SYT14: variants seen among roughly 807,000 people sequenced by gnomAD.
The protein encoded by SYT14 is synaptotagmin 14.
A neutral mutation model predicts 74.2 loss-of-function variants in SYT14; 32 were observed. The ratio of observed to expected loss-of-function variants is 0.43; its 90% CI spans 0.33 to 0.58. The LOEUF (loss-of-function observed/expected upper bound fraction) is 0.58, where lower values mean the gene tolerates loss of function less well. Among genes scored for constraint, SYT14 ranks in the 20% least tolerant of loss-of-function variants. The probability of loss-of-function intolerance (pLI) is 0.05; values close to 1 mark genes in which losing one functional copy is unlikely to be tolerated. For missense variants in SYT14, 791 were observed against 981.8 expected (o/e 0.81, Z 2.60); for synonymous variants, 298 against 337.7 (o/e 0.88, Z 1.29).
chr1:209,965,437 C>T lies in SYT14; in HGVS notation c.-486+12681C>T, dbSNP rs552397301. 1.1e-4 allele frequency among the ~76,000 whole-genome samples: 17 copies of T among 152,288 alleles called. No homozygotes were observed. In the South Asian group the frequency reaches 1.9e-3, roughly 17 times the overall value. On this transcript the variant is annotated intron_variant, in intron 2 of 9. Transcript: ENST00000637265. ...AGTATTCCATGATATATATGTACCA[C>T]GTTTTCTTTATCCAGTCAATTGTTG...
exon 10 of SYT14, chr1:210,169,987 A>AT (rs1018079271): frequency 5.2e-4 from 68 of 130,224 alleles, no homozygotes; most frequent in African/African-American, 1.9e-3. Context: ...TAGTTCTTTC[A>AT]TTTTTTCAGG....
chr1:210,014,322 C>T (rs763403516), intron 3 of SYT14, among the ~76,000 whole-genome samples: 4 of 151,768 alleles, frequency 2.6e-5, no homozygotes, highest in Non-Finnish European at 5.9e-5. Flanking sequence ...TCCACTCCCT[C>T]CCTTGGCACC....
chr1:209,953,605 G>A (rs577263815), intron 2 of SYT14, among the ~76,000 whole-genome samples: 1 of 152,242 alleles, frequency 6.6e-6, no homozygotes, highest in South Asian at 2.1e-4. Flanking sequence ...GAGAGGCATG[G>A]CAGGAAAATA....
chr1:209,949,776 T>C (rs1481798779), intron 1 of SYT14, among the ~76,000 whole-genome samples: 2 of 152,188 alleles, frequency 1.3e-5, no homozygotes, highest in Non-Finnish European at 1.5e-5. Context: ...TGAAGTCTTA[T>C]TCGTTGGTTA....
exon 10 of SYT14, chr1:210,161,338 A>G (rs1281609856): frequency 2.0e-6 from 1 of 510,246 alleles, no homozygotes; most frequent in Admixed American, 2.4e-5. Flanking sequence ...TAATTTAGCA[A>G]AAGAGCCAGT....
At chr1:210,092,161 T>C (rs1646271216) in intron 5 of SYT14, among the ~76,000 whole-genome samples, 1 of 151,940 alleles carries the variant, frequency 6.6e-6, no homozygotes, top group Non-Finnish European at 1.5e-5. Context: ...ACTATTATAG[T>C]TTTTTTTCTT....
intron 2 of SYT14, among the ~76,000 whole-genome samples, chr1:209,964,943 G>T (rs553070156): frequency 1.3e-5 from 2 of 152,352 alleles, no homozygotes; most frequent in African/African-American, 4.8e-5. Flanking sequence ...TGAGGGTCAA[G>T]TTCCCAGATG....
At chr1:209,994,591 T>A (rs2079753783) in intron 2 of SYT14, among the ~76,000 whole-genome samples, 1 of 152,106 alleles carries the variant, frequency 6.6e-6, no homozygotes, top group Non-Finnish European at 1.5e-5. Flanking sequence ...CATGAAAATT[T>A]CCCTAATCTT....
intron 7 of SYT14, among the ~76,000 whole-genome samples, chr1:210,151,225 C>A (rs1375813297): frequency 1.3e-5 from 2 of 152,102 alleles, no homozygotes; most frequent in African/African-American, 4.8e-5. Context: ...GCATTAATCA[C>A]CTGCAGCTAC....
chr1:209,938,351 AG>A, intron 1 of SYT14, 74 bp downstream of exon 1: 1 of 1,456,572 alleles, frequency 6.9e-7, no homozygotes, highest in Non-Finnish European at 9.2e-7. Context: ...GTGCGCCGGC[AG>A]GCCGAGGCGC....
At chr1:210,137,806 G>T (rs2082821564) in intron 7 of SYT14, among the ~76,000 whole-genome samples, 1 of 150,928 alleles carries the variant, frequency 6.6e-6, no homozygotes, top group South Asian at 2.1e-4. Context: ...TCAGCTTCCT[G>T]AGTAGATGGA....
At chr1:209,997,573 A>G (rs1265121699) in intron 2 of SYT14, among the ~76,000 whole-genome samples, 4 of 152,124 alleles carry the variant, frequency 2.6e-5, no homozygotes, top group Non-Finnish European at 5.9e-5. Flanking sequence ...TGCTATCACT[A>G]TTAAACTACC....
intron 8 of SYT14, among the ~76,000 whole-genome samples, chr1:210,159,174 T>C (rs1383520470): frequency 1.4e-4 from 19 of 140,522 alleles, no homozygotes; most frequent in Admixed American, 1.1e-3. Flanking sequence ...ATTAAAAAGA[T>C]GTCCCCCTTT....
At chr1:210,095,060 T>C (rs1485690480) in intron 6 of SYT14, among the ~76,000 whole-genome samples, 3 of 152,188 alleles carry the variant, frequency 2.0e-5, no homozygotes, top group Non-Finnish European at 4.4e-5. Flanking sequence ...TTTGAATCCA[T>C]GGCTTCATGC....
At chr1:209,990,410 C>A (rs2079643771) in intron 2 of SYT14, among the ~76,000 whole-genome samples, 1 of 149,668 alleles carries the variant, frequency 6.7e-6, no homozygotes, top group Non-Finnish European at 1.5e-5. Flanking sequence ...CATGGAACGC[C>A]CCCACCTTCC....
chr1:209,962,209 TATG>T (rs2079085810), intron 2 of SYT14, among the ~76,000 whole-genome samples: 4 of 151,910 alleles, frequency 2.6e-5, no homozygotes, highest in Admixed American at 6.5e-5. Context: ...ATTGTCATAA[TATG>T]ATTCTCTTAT....
intron 2 of SYT14, among the ~76,000 whole-genome samples, chr1:209,981,765 T>C (rs1466977892): frequency 2.0e-5 from 3 of 152,164 alleles, no homozygotes; most frequent in Non-Finnish European, 4.4e-5. Context: ...CCAGACTTTC[T>C]TCTTTTCAAG....
chr1:210,037,529 G>GT (rs59923020), intron 5 of SYT14, among the ~76,000 whole-genome samples: 228 of 137,814 alleles, frequency 1.7e-3, no homozygotes, highest in East Asian at 7.2e-3. Flanking sequence ...TGATTTTTCT[G>GT]TTTTTTTTTT....
exon 10 of SYT14, chr1:210,163,475 T>C (rs1440969486): frequency 2.2e-6 from 1 of 453,666 alleles, no homozygotes; most frequent in East Asian, 6.9e-5. Context: ...CATGCACCAT[T>C]ACACATACAA....
Sources: allele counts gnomAD v4.1 joint callset (sites outside exome capture counted in the v4.1 genomes callset), GRCh38; gene constraint gnomAD v4.1.1; transcripts MANE v1.5; gene names NCBI Gene and HGNC (gene_info 2026-07-23, HGNC 2026-07-21).